The following ATAD3A variants were observed in gnomAD, a reference collection of about 807,000 sequenced individuals.
ATAD3A encodes ATPase family AAA domain-containing protein 3A.
ATAD3A carries 46 observed loss-of-function variants against 73.8 expected under a neutral mutation model. That is an observed-to-expected ratio of 0.62 (90% CI 0.49 to 0.80). The LOEUF is 0.80. Among genes scored for constraint, ATAD3A ranks in the 30% least tolerant of loss-of-function variants. The pLI, the probability that ATAD3A is intolerant of heterozygous loss-of-function variation, is 0.00. For missense variants in ATAD3A, 705 were observed against 838.0 expected, an observed-to-expected ratio of 0.84 and a Z score of 1.96; for synonymous variants, 319 against 350.0, an observed-to-expected ratio of 0.91 and a Z score of 0.99.
At position 1,516,048 on chromosome 1, in the gene ATAD3A, A is replaced by G; in HGVS notation, c.242A>G (p.Gln81Arg). The G allele has an allele frequency of 6.2e-7, 1 of 1,613,962 alleles. No individual in the cohort carries two copies. The highest frequency in any genetic ancestry group is 8.5e-7 in the Non-Finnish European group (1 of 1,179,906). The change falls in exon 2 of 16, where the codon CAG becomes CGG. Residue 81 changes from glutamine to arginine, a missense_variant. Around this residue, in one of 5 missense-constraint regions of ATAD3A, gnomAD observed 125 missense variants for 170.6 expected, o/e 0.73. Transcript: ENST00000378756. ...AKDALNLAQM[Q>R]EQTLQLEQQS... is the part of the protein sequence containing the mutation. ...GACGCCCTGAATCTGGCACAGATGC[A>G]GGAGCAGACGCTGCAGTTGGAGCAA...
chr1:1,526,643 T>G, intron 13 of ATAD3A, 112 bp downstream of exon 13: 1 of 1,563,228 alleles, frequency 6.4e-7, no homozygotes, highest in Non-Finnish European at 8.6e-7. Flanking sequence ...GCAGCTGCCG[T>G]GGCCTCAACA....
chr1:1,523,754 T>C lies in ATAD3A; in HGVS notation c.964-85T>C, dbSNP rs1641694703. The C allele has an allele frequency of 3.7e-5, 60 of 1,602,572 alleles. No homozygotes were observed. Among genetic ancestry groups the C allele is most frequent in the Non-Finnish European group, 4.6e-5 (54 of 1,173,630 alleles). Reference sequence around the variant, plus strand: ...GGGAGGCTTCCCGAGGAGCCGAGTCTGCACCCAGGCATTCCCGCAGCCCCT... The same window carrying C: ...GGGAGGCTTCCCGAGGAGCCGAGTCCGCACCCAGGCATTCCCGCAGCCCCT... On this transcript the variant is annotated intron_variant, in intron 9 of 15. Coordinates refer to ENST00000378756, the MANE Select transcript of ATAD3A (RefSeq NM_001170535.3). This position sits in a 1 kb window ranked among gnomAD's most constrained non-coding sequence, Gnocchi z 5.1.
chr1:1,516,026 G>T lies in ATAD3A; in HGVS notation c.220G>T (p.Ala74Ser), dbSNP rs141392786. The change falls in exon 2 of 16, where the codon GCC becomes TCC. Residue 74 changes from alanine (A) to serine (S), a missense_variant. By Grantham distance (99) the Ala-to-Ser change is moderately conservative (BLOSUM62 1). Coordinates refer to ENST00000378756, the MANE Select transcript of ATAD3A (RefSeq NM_001170535.3). ...ELEHSRYAKD[A>S]LNLAQMQEQT... ...TGCGTCTGCAGGTTATGCCAAGGAC[G>T]CCCTGAATCTGGCACAGATGCAGGA... is the stretch of plus-strand genomic sequence containing the variant. 18 of 1,613,910 alleles carry T rather than the reference G, an allele frequency of 1.1e-5. No homozygotes were observed. The highest frequency in any genetic ancestry group is 1.5e-5 in the Non-Finnish European group (18 of 1,179,958).
chr1:1,513,923 G>C (rs9439456), intron 1 of ATAD3A, among the ~76,000 whole-genome samples: 52,958 of 151,202 alleles, frequency 0.35, 14,424 homozygotes, highest in African/African-American at 0.74. Flanking sequence ...CATGCCGCCT[G>C]GTTCCCAGAG....
intron 7 of ATAD3A, among the ~76,000 whole-genome samples, chr1:1,521,094 G>A (rs1355569527): frequency 4.6e-5 from 7 of 151,634 alleles, no homozygotes; most frequent in Non-Finnish European, 2.9e-5. Flanking sequence ...TATCGGGATC[G>A]AGACCATCCT....
At chr1:1,527,956 TC>T (rs1641908177) in intron 14 of ATAD3A, 94 bp downstream of exon 14, 18 of 1,189,332 alleles carry the variant, frequency 1.5e-5, no homozygotes, top group South Asian at 1.3e-4. Flanking sequence ...CCTTTAACAT[TC>T]CTTTTTTTTT....
At chr1:1,516,813 G>A (rs1474243128) in intron 2 of ATAD3A, among the ~76,000 whole-genome samples, 1 of 151,840 alleles carries the variant, frequency 6.6e-6, no homozygotes. Context: ...TACCTCCCGG[G>A]TTCAACCTCT....
chr1:1,514,271 G>T (rs1188861300), intron 1 of ATAD3A, among the ~76,000 whole-genome samples: 1 of 151,872 alleles, frequency 6.6e-6, no homozygotes, highest in Non-Finnish European at 1.5e-5. Context: ...CCAGCCAAAG[G>T]TCCCCTCGGG....
intron 14 of ATAD3A, 72 bp downstream of exon 14, chr1:1,527,934 A>G: frequency 6.9e-7 from 1 of 1,453,334 alleles, no homozygotes; most frequent in Non-Finnish European, 9.3e-7. Flanking sequence ...ACAGTCCACC[A>G]TCACTTACAA....
Position 1,523,804 on chromosome 1 carries a change from C to G in ATAD3A, c.964-35C>G, listed in dbSNP as rs202074413. On this transcript the variant is annotated intron_variant, in intron 9 of 15. Transcript: ENST00000378756. This position sits in a 1 kb window ranked among gnomAD's most constrained non-coding sequence, Gnocchi z 5.1. ...TTCCCCTGAGGCTTCCATGGGTGCA[C>G]AGTGTCTCCTCCAAACCCCCGTCTT... 6.9e-5 allele frequency: 111 copies of G among 1,613,332 alleles called. 1 individual carries two copies. Among genetic ancestry groups the G allele is most frequent in the South Asian group, 2.0e-4 (18 of 91,056 alleles).
At position 1,534,016 on chromosome 1, in the gene ATAD3A, A is replaced by G; in HGVS notation, c.1705A>G (p.Met569Val). The G allele has an allele frequency of 6.2e-7, 1 of 1,613,616 alleles. No homozygotes were observed. The highest frequency in any genetic ancestry group is 8.5e-7 in the Non-Finnish European group (1 of 1,179,942). ...TGCTGTCCAGCAGCACCAGCAGAAGATGTGCTGGCTGAAGGCGGAAGGGCC... is the reference window on the plus strand; with the variant it reads ...TGCTGTCCAGCAGCACCAGCAGAAGGTGTGCTGGCTGAAGGCGGAAGGGCC... ...QDAVQQHQQK[M>V]CWLKAEGPGR... is the part of the protein sequence containing the mutation. Residue 569 changes from methionine to valine, a missense_variant, in exon 16 of 16, where the codon ATG becomes GTG. Met to Val is a conservative substitution (Grantham distance 21). Coordinates refer to ENST00000378756, the MANE Select transcript of ATAD3A (RefSeq NM_001170535.3).
intron 4 of ATAD3A, among the ~76,000 whole-genome samples, chr1:1,518,370 C>T (rs1346656996): frequency 1.2e-4 from 18 of 146,960 alleles, no homozygotes; most frequent in Admixed American, 9.6e-4. Flanking sequence ...CAGCCCCACA[C>T]ACACAGGCGC....
rs111328913 is a variant in ATAD3A, at chr1:1,525,226, C to T, written c.1215-14C>T. The T allele has an allele frequency of 2.4e-4, 388 of 1,613,694 alleles. 4 individuals are homozygous for T. In the African/African-American group the frequency reaches 3.0e-3, roughly 12 times the overall value. On this transcript the variant is annotated splice_polypyrimidine_tract_variant and intron_variant, in intron 11 of 15. Transcript: ENST00000378756. The stretch of plus-strand genomic sequence containing the variant: ...TGTCACTCTCGCCCTGCTTGGCCTC[C>T]CTCTCGTTCACAGCCTCCTGCTCTT...
rs1204492598 is a variant in ATAD3A at position 1,523,215 on chromosome 1, T to G, written c.907-296T>G. 6.6e-6 allele frequency among the ~76,000 whole-genome samples: 1 copy of G among 151,988 alleles called. No individual in the cohort carries two copies. The highest frequency in any genetic ancestry group is 1.5e-5 in the Non-Finnish European group (1 of 67,990). ...AGGGAAGCTGCTACAGGCCACGGCG[T>G]CTGGTGGCCTCCCTGGGGAGCCGCG... On this transcript the variant is annotated intron_variant, in intron 8 of 15. Transcript: ENST00000378756. This position sits in a 1 kb window ranked among gnomAD's most constrained non-coding sequence, Gnocchi z 5.1.
chr1:1,512,250 C>A lies in ATAD3A; in HGVS notation c.-19C>A. On this transcript the variant is annotated 5_prime_UTR_variant, in exon 1 of 16. Transcript: ENST00000378756. ...CGGGTGGGGGTCCCGGCGGCGGTAG[C>A]GGCGGCGGCGGTGCGAGCATGTCGT... 7.9e-7 allele frequency: 1 copy of A among 1,267,754 alleles called. No homozygotes were observed. Among genetic ancestry groups the A allele is most frequent in the Non-Finnish European group, 1.0e-6 (1 of 1,001,506 alleles). The allele number at this position is 1,267,754 out of a possible 1,614,324, so 78.5% of individuals were successfully genotyped here.
intron 15 of ATAD3A, among the ~76,000 whole-genome samples, chr1:1,533,211 T>C (rs933593479): frequency 2.0e-5 from 3 of 152,136 alleles, no homozygotes; most frequent in African/African-American, 7.2e-5. Flanking sequence ...TTCCTCCAGG[T>C]GTCCTGGTGC....
intron 7 of ATAD3A, among the ~76,000 whole-genome samples, chr1:1,521,721 G>C (rs1641607578): frequency 6.6e-6 from 1 of 152,254 alleles, no homozygotes. Flanking sequence ...TGTTTTTAGA[G>C]ACAGGGTCTT....
Position 1,524,082 on chromosome 1 carries a change from C to T in ATAD3A, c.1089+118C>T, listed in dbSNP as rs542611983. 8.5e-4 allele frequency: 1,342 copies of T among 1,580,900 alleles called. 9 individuals carry two copies. The African/African-American group carries it at 0.015, about 18-fold the overall frequency. ...CCCCCCTTAGGCCTTTGCCCACCCT[C>T]GTGTAGGCTCAGGGTGCTGGTGTGG... On this transcript the variant is annotated intron_variant, in intron 10 of 15. Transcript: ENST00000378756.
At chr1:1,522,655 A>C in intron 7 of ATAD3A, 89 bp from the exon 8 acceptor site, 1 of 1,576,882 alleles carries the variant, frequency 6.3e-7, no homozygotes. Context: ...CCTCGGGCGG[A>C]GAGAGGGTGG....
Sources: gnomAD v4.1 joint callset for allele counts (sites outside exome capture counted in the v4.1 genomes callset) on GRCh38, gnomAD v4.1.1 for gene constraint, gnomAD v4.1.1 regional missense constraint, Gnocchi (gnomAD v3.1) non-coding constraint, MANE v1.5 for transcripts, NCBI Gene and HGNC (gene_info 2026-07-23, HGNC 2026-07-21) for gene names.